CLYBL: variants seen among roughly 807,000 people sequenced by gnomAD.
CLYBL encodes the protein citramalyl-CoA lyase.
In CLYBL, 31 loss-of-function variants were observed where a neutral mutation model predicts 38.9. The observed-to-expected ratio is 0.80, with a 90% CI of 0.60 to 1.08. The LOEUF is 1.08. Among genes scored for constraint, CLYBL ranks in the 50% least tolerant of loss-of-function variants. The probability of loss-of-function intolerance (pLI) is 0.00; values close to 1 mark genes in which losing one functional copy is unlikely to be tolerated. For synonymous variants in CLYBL, 171 were observed against 158.6 expected (o/e 1.08, Z -0.59); for missense variants, 434 against 411.6 (o/e 1.05, Z -0.47).
At chr13:99,832,646 A>C (rs1206239784) in intron 2 of CLYBL, among the ~76,000 whole-genome samples, 1 of 152,096 alleles carries the variant, frequency 6.6e-6, no homozygotes, top group African/African-American at 2.4e-5. Context: ...CATTCAAGGG[A>C]GTTCAAGAAC....
At chr13:99,898,184 A>G (rs1353324055), downstream of CLYBL, among the ~76,000 whole-genome samples, 1 of 152,222 alleles carries the variant, frequency 6.6e-6, no homozygotes, top group African/African-American at 2.4e-5. Flanking sequence ...CATAACGCCA[A>G]ATAGCTGGTT....
At chr13:99,712,115 A>G (rs2048243360) in intron 1 of CLYBL, among the ~76,000 whole-genome samples, 1 of 152,174 alleles carries the variant, frequency 6.6e-6, no homozygotes, top group Non-Finnish European at 1.5e-5. Flanking sequence ...GAAGACTTCA[A>G]CATACTTTGC....
At chr13:99,742,064 C>G (rs1022517253) in intron 1 of CLYBL, among the ~76,000 whole-genome samples, 4 of 152,174 alleles carry the variant, frequency 2.6e-5, no homozygotes, top group Admixed American at 1.3e-4. Flanking sequence ...TGAATGTTCA[C>G]TTGCAATGAG....
At chr13:99,637,778 T>C (rs1234444858) in intron 1 of CLYBL, among the ~76,000 whole-genome samples, 1 of 152,092 alleles carries the variant, frequency 6.6e-6, no homozygotes, top group African/African-American at 2.4e-5. Context: ...AATAAAACCA[T>C]AAAATTCCTA....
chr13:99,636,443 C>T (rs888273248), intron 1 of CLYBL, among the ~76,000 whole-genome samples: 1 of 152,206 alleles, frequency 6.6e-6, no homozygotes, highest in Non-Finnish European at 1.5e-5. Flanking sequence ...TGATGCAGTG[C>T]CAGCACATCT....
At chr13:99,899,023 C>T (rs1264735816), downstream of CLYBL, among the ~76,000 whole-genome samples, 1 of 152,218 alleles carries the variant, frequency 6.6e-6, no homozygotes, top group Non-Finnish European at 1.5e-5. Context: ...GATGCTGGCT[C>T]TACCACTAAT....
At chr13:99,736,991 T>C (rs1399797453) in intron 1 of CLYBL, among the ~76,000 whole-genome samples, 18 of 152,210 alleles carry the variant, frequency 1.2e-4, no homozygotes, top group Admixed American at 1.1e-3. Flanking sequence ...AAAAACCCTT[T>C]AGATTTTTCT....
chr13:99,871,621 G>T (rs1256846509), intron 7 of CLYBL, among the ~76,000 whole-genome samples: 1 of 152,142 alleles, frequency 6.6e-6, no homozygotes, highest in African/African-American at 2.4e-5. Flanking sequence ...TCCTAATTTA[G>T]TGCATCATTG....
chr13:99,785,296 C>A (rs1468666495), intron 2 of CLYBL, among the ~76,000 whole-genome samples: 5 of 146,954 alleles, frequency 3.4e-5, no homozygotes, highest in African/African-American at 1.3e-4. Context: ...GCAGCCTCAA[C>A]CTCCCAGGCT....
Position 99,864,234 on chromosome 13 carries a change from A to T in CLYBL, c.541-584A>T, listed in dbSNP as rs375575053. On this transcript the variant is annotated intron_variant, in intron 4 of 8. Coordinates refer to ENST00000339105, the MANE Select transcript of CLYBL (RefSeq NM_206808.5). The stretch of plus-strand genomic sequence containing the variant: ...CCCACGTATATTATTAGCAGGTTAT[A>T]TCTCCACCTTTCAAGATTCACGGTT... 4.7e-4 allele frequency among the ~76,000 whole-genome samples: 72 copies of T among 152,304 alleles called. 1 individual carries two copies. Among genetic ancestry groups the T allele is most frequent in the African/African-American group, 1.7e-3 (71 of 41,574 alleles).
chr13:99,898,131 A>G (rs1661060352), downstream of CLYBL, among the ~76,000 whole-genome samples: 1 of 152,202 alleles, frequency 6.6e-6, no homozygotes, highest in South Asian at 2.1e-4. Context: ...AGCTGGCTAA[A>G]GGGGAGAGAT....
chr13:99,843,536 G>T (rs912621452), intron 2 of CLYBL, among the ~76,000 whole-genome samples: 1 of 151,812 alleles, frequency 6.6e-6, no homozygotes, highest in African/African-American at 2.4e-5. Flanking sequence ...GACACATAAA[G>T]CATATTCAGT....
chr13:99,728,347 C>T (rs1489834637), intron 1 of CLYBL, among the ~76,000 whole-genome samples: 1 of 144,712 alleles, frequency 6.9e-6, no homozygotes, highest in African/African-American at 2.6e-5. Flanking sequence ...GGCACGATTT[C>T]GGCTCACTGC....
At chr13:99,766,035 A>G (rs1432103272) in intron 1 of CLYBL, among the ~76,000 whole-genome samples, 4 of 151,466 alleles carry the variant, frequency 2.6e-5, no homozygotes, top group Non-Finnish European at 5.9e-5. Context: ...TATTTTTTGT[A>G]GAGAGGGGGG....
intron 1 of CLYBL, among the ~76,000 whole-genome samples, chr13:99,753,262 A>T (rs1489233648): frequency 1.3e-5 from 2 of 152,120 alleles, no homozygotes; most frequent in African/African-American, 4.8e-5. Context: ...TTGGTTTTTA[A>T]TGTGAGAACA....
chr13:99,645,497 CAAAAA>C (rs35412408), intron 1 of CLYBL, among the ~76,000 whole-genome samples: 1 of 94,186 alleles, frequency 1.1e-5, no homozygotes, highest in South Asian at 3.7e-4. Context: ...GACTCTGTCT[CAAAAA>C]AAAAAAAAAA....
At chr13:99,885,038 G>C (rs772912665) in intron 7 of CLYBL, 1 of 524,868 alleles carries the variant, frequency 1.9e-6, no homozygotes. Flanking sequence ...CCAGGTCAGC[G>C]GTCACAGAGC....
intron 8 of CLYBL, chr13:99,892,163 T>C (rs1469523840): frequency 1.3e-5 from 2 of 152,202 alleles, no homozygotes; most frequent in African/African-American, 4.8e-5. Flanking sequence ...GTTTAACTGT[T>C]TGCCATTGAG....
At position 99,716,395 on chromosome 13, in the gene CLYBL, C is replaced by CTTTTCT. The variant is rs1555293181; in HGVS notation, c.63-56425_63-56424insCTTTTT. ...CCTATATTTTTCTTTCTTTTCTTTT[C>CTTTTCT]TTTTTTTTTTTTTTAATAGAGTCTG... On this transcript the variant is annotated intron_variant, in intron 1 of 8. Coordinates refer to ENST00000339105, the MANE Select transcript of CLYBL (RefSeq NM_206808.5). Among the ~76,000 whole-genome samples the CTTTTCT allele has an allele frequency of 1.5e-3, 205 of 135,256 alleles. 1 individual carries two copies. Among genetic ancestry groups the CTTTTCT allele is most frequent in the Middle Eastern group, 7.4e-3 (2 of 270 alleles). The allele number at this position is 135,256 out of a possible 152,430, so 88.7% of individuals were successfully genotyped here.
Sources: gnomAD v4.1 joint callset for allele counts (sites outside exome capture counted in the v4.1 genomes callset) on GRCh38, gnomAD v4.1.1 for gene constraint, MANE v1.5 for transcripts, NCBI Gene and HGNC (gene_info 2026-07-23, HGNC 2026-07-21) for gene names.